NPPC: variants seen among roughly 807,000 people sequenced by gnomAD.
The protein encoded by NPPC is C-type natriuretic peptide.
Under a neutral mutation model 10.2 loss-of-function variants are expected in NPPC, and 4 were observed. The observed-to-expected ratio is 0.39, with a 90% CI of 0.19 to 0.90. The LOEUF is 0.90. Among genes scored for constraint, NPPC ranks in the 40% least tolerant of loss-of-function variants. NPPC has a pLI of 0.37. For synonymous variants in NPPC, 83 were observed against 87.3 expected (o/e 0.95, Z 0.27); for missense variants, 182 against 173.8 (o/e 1.05, Z -0.26).
chr2:231,925,638 A>C lies in NPPC; in HGVS notation c.168T>G (p.Ala56=). The C allele has an allele frequency of 6.2e-7, 1 of 1,607,008 alleles. No individual in the cohort carries two copies. The highest frequency in any genetic ancestry group is 8.5e-7 in the Non-Finnish European group (1 of 1,178,074). The change falls in exon 2 of 3, where the codon GCT becomes GCG. Residue 56 remains alanine, a synonymous_variant. Transcript: ENST00000409852. ...AGGGQKKGDK[A]PGGGGANLKG... ...TGAGATTGGCGCCCCCGCCCCCGGG[A>C]GCCTTGTCGCCCTTCTTCTGACCGC...
In NPPC at chr2:231,926,391, C is replaced by A. The variant is rs992912083; in HGVS notation, c.-142G>T. On this transcript the variant is annotated 5_prime_UTR_variant, in exon 1 of 3. Transcript: ENST00000409852. The stretch of plus-strand genomic sequence containing the variant: ...AGTGCTGCGCGGCGCCGGCTGGGTG[C>A]GCTCTGAGCCCGTGACTCTGCTCGC... 3 of 444,326 alleles carry A rather than the reference C, an allele frequency of 6.8e-6. No individual in the cohort carries two copies. The highest frequency in any genetic ancestry group is 1.1e-5 in the Non-Finnish European group (3 of 269,140). 27.5% of individuals were successfully genotyped at this position (444,326 alleles called of 1,614,324 possible).
At chr2:231,923,182 C>G (rs555071510) in intron 2 of NPPC, among the ~76,000 whole-genome samples, 4 of 152,234 alleles carry the variant, frequency 2.6e-5, no homozygotes, top group Non-Finnish European at 5.9e-5. Flanking sequence ...TGAACCCTCC[C>G]CCACTCCCTT....
chr2:231,924,409 GC>G (rs1691970682), intron 2 of NPPC, among the ~76,000 whole-genome samples: 1 of 152,272 alleles, frequency 6.6e-6, no homozygotes, highest in Non-Finnish European at 1.5e-5. Flanking sequence ...ACAGCAGCTT[GC>G]CCGTAGCCTG....
In NPPC at chr2:231,925,524, G is replaced by A. The variant is rs763044537; in HGVS notation, c.282C>T (p.Asn94=). ...TGTTGGCTCCTTTGTATTTGCGCGC[G>A]TTGGGGTGCTCTTGCAGAAGGCGAG... ...AWARLLQEHP[N]ARKYKGANKK... The change falls in exon 2 of 3, where the codon AAC becomes AAT. Residue 94 remains asparagine, a synonymous_variant. Coordinates refer to ENST00000409852, the MANE Select transcript of NPPC (RefSeq NM_024409.4). 1.2e-6 allele frequency: 2 copies of A among 1,612,914 alleles called. No individual in the cohort carries two copies. The highest frequency in any genetic ancestry group is 1.3e-5 in the African/African-American group (1 of 74,908).
At position 231,926,359 on chromosome 2, in the gene NPPC, G is replaced by C. The variant is rs5265; in HGVS notation, c.-110C>G. On this transcript the variant is annotated 5_prime_UTR_variant, in exon 1 of 3. Coordinates refer to ENST00000409852, the MANE Select transcript of NPPC (RefSeq NM_024409.4). ...GGCTGGCTGGGCTGCAGGGCGAGCA[G>C]GGTCCCAGTGCTGCGCGGCGCCGGC... 0.045 allele frequency: 28,909 copies of C among 646,446 alleles called. 984 individuals are homozygous for C. Among genetic ancestry groups the C allele is most frequent in the African/African-American group, 0.14 (7,353 of 52,994 alleles). 40.0% of individuals were successfully genotyped at this position (646,446 alleles called of 1,614,324 possible).
intron 2 of NPPC, among the ~76,000 whole-genome samples, chr2:231,923,408 T>C (rs900881608): frequency 2.0e-5 from 3 of 152,220 alleles, no homozygotes; most frequent in African/African-American, 7.2e-5. Flanking sequence ...AGAGTTTTCA[T>C]TAATGTGAAA....
At position 231,926,174 on chromosome 2, in the gene NPPC, CG is replaced by C; in HGVS notation, c.75del (p.Ala27ArgfsTer95). Reference sequence around the variant, plus strand: ...ACAGCACCCACCTTCGGCGGCGCCCCGGGCTTGGCTTCGGAGGGCCGGAGGG... The same window carrying C: ...ACAGCACCCACCTTCGGCGGCGCCCCGGCTTGGCTTCGGAGGGCCGGAGGG... ...LLSLRPSEAK[P>X]GAPPKVPRTP... On this transcript the variant is annotated frameshift_variant, in exon 1 of 3. Coordinates refer to ENST00000409852, the MANE Select transcript of NPPC (RefSeq NM_024409.4). LOFTEE classifies it high-confidence loss of function. 1 of 1,301,274 alleles carries C rather than the reference CG, an allele frequency of 7.7e-7. No homozygotes were observed. Among genetic ancestry groups the C allele is most frequent in the South Asian group, 2.6e-5 (1 of 38,984 alleles). The allele number at this position is 1,301,274 out of a possible 1,614,324, so 80.6% of individuals were successfully genotyped here. A position where few individuals can be genotyped will look rare whatever the true frequency, so the allele number is the denominator to read the frequency against.
rs1264545311 is a variant in NPPC, at chr2:231,925,280, A to C, written c.*20+125T>G. ...CTTTGTCTGTAAAGTGGGATAATAA[A>C]GGGGGCGGCTGGCAAACGCCTAGCA... On this transcript the variant is annotated intron_variant, in intron 2 of 2. Coordinates refer to ENST00000409852, the MANE Select transcript of NPPC (RefSeq NM_024409.4). The C allele has an allele frequency of 8.0e-6, 6 of 746,728 alleles. No individual in the cohort carries two copies. The East Asian group carries it at 2.1e-4, about 26-fold the overall frequency. 46.3% of individuals were successfully genotyped at this position (746,728 alleles called of 1,614,324 possible). A position where few individuals can be genotyped will look rare whatever the true frequency, so the allele number is the denominator to read the frequency against.
rs1217123320 is a variant in NPPC at position 231,921,816 on chromosome 2, G to C, written c.*520C>G. On this transcript the variant is annotated 3_prime_UTR_variant, in exon 3 of 3. Coordinates refer to ENST00000409852, the MANE Select transcript of NPPC (RefSeq NM_024409.4). ...ACAAGTAAATAAAGACAGTTTTCAA[G>C]ATATTCATGGAATGACTTTTTTTTT... The C allele has an allele frequency of 6.6e-6, 1 of 151,234 alleles. No individual in the cohort carries two copies. The highest frequency in any genetic ancestry group is 1.5e-5 in the Non-Finnish European group (1 of 67,898). The allele number at this position is 151,234 out of a possible 1,614,324, so 9.4% of individuals were successfully genotyped here.
intron 1 of NPPC, 128 bp from the exon 2 acceptor site, chr2:231,925,843 C>G: frequency 1.7e-6 from 2 of 1,169,724 alleles, no homozygotes; most frequent in Non-Finnish European, 2.3e-6. Context: ...CCCACCGATG[C>G]CGGCCAGCTT....
chr2:231,922,530 C>T (rs552907592), intron 2 of NPPC, among the ~76,000 whole-genome samples: 24 of 152,280 alleles, frequency 1.6e-4, no homozygotes, highest in Admixed American at 1.6e-3. Flanking sequence ...TGCCCCAGTA[C>T]AAGTGGAACC....
chr2:231,923,015 G>A (rs891690373), intron 2 of NPPC, among the ~76,000 whole-genome samples: 4 of 152,240 alleles, frequency 2.6e-5, no homozygotes, highest in Admixed American at 2.6e-4. Flanking sequence ...CAGCCTTGGG[G>A]AAATGCACAG....
chr2:231,926,257 C>A lies in NPPC; in HGVS notation c.-8G>T. ...CAGCTGGGAGAGATGCATGGTGCCGCTGGGGTCGAGGGGCGCACACGGGCG... is the reference window on the plus strand; with the variant it reads ...CAGCTGGGAGAGATGCATGGTGCCGATGGGGTCGAGGGGCGCACACGGGCG... On this transcript the variant is annotated 5_prime_UTR_variant, in exon 1 of 3. Transcript: ENST00000409852. 1 of 1,295,780 alleles carries A rather than the reference C, an allele frequency of 7.7e-7. No individual in the cohort carries two copies. Among genetic ancestry groups the A allele is most frequent in the Non-Finnish European group, 9.8e-7 (1 of 1,019,272 alleles). The allele number at this position is 1,295,780 out of a possible 1,614,324, so 80.3% of individuals were successfully genotyped here. A position where few individuals can be genotyped will look rare whatever the true frequency, so the allele number is the denominator to read the frequency against.
Position 231,925,629 on chromosome 2 carries a change from G to A in NPPC, c.177C>T (p.Gly59=), listed in dbSNP as rs1691994770. 6.2e-7 allele frequency: 1 copy of A among 1,607,292 alleles called. No homozygotes were observed. Among genetic ancestry groups the A allele is most frequent in the Admixed American group, 1.7e-5 (1 of 59,538 alleles). ...GGTCGCCCTTGAGATTGGCGCCCCC[G>A]CCCCCGGGAGCCTTGTCGCCCTTCT... ...GQKKGDKAPG[G]GGANLKGDRS... Residue 59 remains glycine, a synonymous_variant, in exon 2 of 3, where the codon GGC becomes GGT. Coordinates refer to ENST00000409852, the MANE Select transcript of NPPC (RefSeq NM_024409.4).
intron 2 of NPPC, among the ~76,000 whole-genome samples, chr2:231,923,641 G>A (rs1001346426): frequency 2.6e-5 from 4 of 152,180 alleles, no homozygotes; most frequent in African/African-American, 4.8e-5. Flanking sequence ...AGGTGTCGAC[G>A]GTAAGTGTTC....
chr2:231,925,314 G>A (rs1691987186), intron 2 of NPPC, 91 bp downstream of exon 2: 2 of 1,141,862 alleles, frequency 1.8e-6, no homozygotes, highest in South Asian at 1.9e-5. Context: ...CACAACTTGA[G>A]CAAAGGCGGC....
chr2:231,925,482 C>G lies in NPPC; in HGVS notation c.324G>C (p.Lys108Asn), dbSNP rs754551653. The G allele has an allele frequency of 6.2e-7, 1 of 1,612,848 alleles. No individual in the cohort carries two copies. Among genetic ancestry groups the G allele is most frequent in the Admixed American group, 1.7e-5 (1 of 59,986 alleles). ...GGTCCAGCTTGAGGCCGAAGCAGCC[C>G]TTGGACAAGCCCTTCTTGTTGGCTC... The part of the protein sequence containing the change: ...YKGANKKGLS[K>N]GCFGLKLDRI... The change falls in exon 2 of 3, where the codon AAG (lysine) becomes AAC (asparagine). Residue 108 changes from lysine to asparagine, a missense_variant. Physicochemically the swap from Lys to Asn is moderately conservative, Grantham distance 94. Coordinates refer to ENST00000409852, the MANE Select transcript of NPPC (RefSeq NM_024409.4).
chr2:231,926,164 G>A lies in NPPC; in HGVS notation c.86C>T (p.Pro29Leu). The A allele has an allele frequency of 7.7e-7, 1 of 1,293,850 alleles. No individual in the cohort carries two copies. The highest frequency in any genetic ancestry group is 2.7e-5 in the South Asian group (1 of 37,358). 80.1% of individuals were successfully genotyped at this position (1,293,850 alleles called of 1,614,324 possible). ...RPSEAKPGAP[P>L]KVPRTPPAEE... is the part of the protein sequence containing the mutation. ...CGTCCCCACGACAGCACCCACCTTC[G>A]GCGGCGCCCCGGGCTTGGCTTCGGA... Residue 29 changes from proline (P) to leucine (L), a missense_variant, in exon 1 of 3, where the codon CCG (proline) becomes CTG (leucine). Transcript: ENST00000409852.
Position 231,925,451 on chromosome 2 carries a change from C to G in NPPC, c.355G>C (p.Gly119Arg). 2 of 1,609,330 alleles carry G rather than the reference C, an allele frequency of 1.2e-6. No individual in the cohort carries two copies. The highest frequency in any genetic ancestry group is 1.7e-6 in the Non-Finnish European group (2 of 1,178,064). ...GCFGLKLDRI[G>R]SMSGLGC Reference sequence around the variant, plus strand: ...TAACATCCCAGGCCGCTCATGGAGCCGATTCGGTCCAGCTTGAGGCCGAAG... The same window carrying G: ...TAACATCCCAGGCCGCTCATGGAGCGGATTCGGTCCAGCTTGAGGCCGAAG... Residue 119 changes from glycine to arginine, a missense_variant, in exon 2 of 3, where the codon GGC (glycine) becomes CGC (arginine). Transcript: ENST00000409852.
Sources: allele counts gnomAD v4.1 joint callset (sites outside exome capture counted in the v4.1 genomes callset), GRCh38; gene constraint gnomAD v4.1.1; transcripts MANE v1.5; gene names NCBI Gene and HGNC (gene_info 2026-07-23, HGNC 2026-07-21).